The following NCOR2 variants were observed in gnomAD, a reference collection of about 807,000 sequenced individuals.
The protein encoded by NCOR2 is CTG repeat protein 26.
In NCOR2, 81 loss-of-function variants were observed where a neutral mutation model predicts 262.9. That is an observed-to-expected ratio of 0.31 (90% CI 0.26 to 0.37). The LOEUF (loss-of-function observed/expected upper bound fraction) is 0.37. NCOR2 is among the 10% of genes least tolerant of loss of function. NCOR2 has a pLI of 1.00. For synonymous variants in NCOR2, 1,659 were observed against 1,559.3 expected (o/e 1.06, Z -1.51); for missense variants, 3,385 against 3,621.4 (o/e 0.93, Z 1.68).
At chr12:124,385,385 C>G (rs894447738) in intron 17 of NCOR2, among the ~76,000 whole-genome samples, 1 of 152,190 alleles carries the variant, frequency 6.6e-6, no homozygotes, top group East Asian at 1.9e-4. Context: ...CATTCCAACG[C>G]GCTGACAGCC....
intron 14 of NCOR2, among the ~76,000 whole-genome samples, chr12:124,401,239 G>A (rs1349321592): frequency 6.6e-6 from 1 of 151,836 alleles, no homozygotes; most frequent in Non-Finnish European, 1.5e-5. Flanking sequence ...AAGAAAGGAT[G>A]GGGGTGTAAC....
intron 2 of NCOR2, among the ~76,000 whole-genome samples, chr12:124,484,333 A>G (rs2047663308): frequency 1.3e-5 from 2 of 152,184 alleles, no homozygotes; most frequent in Non-Finnish European, 2.9e-5. Context: ...AGCCTGGTGC[A>G]GAGACTGGAG....
At chr12:124,472,282 A>G (rs2046868910) in intron 4 of NCOR2, among the ~76,000 whole-genome samples, 1 of 152,260 alleles carries the variant, frequency 6.6e-6, no homozygotes, top group African/African-American at 2.4e-5. Flanking sequence ...AAATATTTAT[A>G]TCAGCTTTTT....
chr12:124,491,403 C>T (rs930054502), intron 1 of NCOR2, among the ~76,000 whole-genome samples: 4 of 151,868 alleles, frequency 2.6e-5, no homozygotes, highest in Admixed American at 2.0e-4. Context: ...AACTGAGGCA[C>T]GGGACGGTAA....
chr12:124,476,521 G>A (rs972937692), intron 3 of NCOR2, among the ~76,000 whole-genome samples: 4 of 152,146 alleles, frequency 2.6e-5, no homozygotes, highest in Admixed American at 6.5e-5. Flanking sequence ...CAAACTGCTC[G>A]TCCAACCTGG....
At chr12:124,333,323 C>CCTCTG in intron 41 of NCOR2, 44 bp from the exon 44 acceptor site, 1 of 1,482,266 alleles carries the variant, frequency 6.7e-7, no homozygotes, top group South Asian at 1.4e-5. Context: ...GGTCTCCCTA[C>CCTCTG]TGAGGGGGCG....
intron 1 of NCOR2, among the ~76,000 whole-genome samples, chr12:124,522,624 T>C (rs1452004713): frequency 6.6e-6 from 1 of 152,252 alleles, no homozygotes; most frequent in Admixed American, 6.5e-5. Context: ...GCCAAGGTCA[T>C]ATTCACAGTT....
intron 8 of NCOR2, among the ~76,000 whole-genome samples, chr12:124,431,872 G>C (rs536728258): frequency 6.6e-4 from 99 of 150,730 alleles, no homozygotes; most frequent in African/African-American, 2.2e-3. Flanking sequence ...TACACAGAGA[G>C]ACACACACAC....
At position 124,397,481 on chromosome 12, in the gene NCOR2, C is replaced by T. The variant is rs183272071; in HGVS notation, c.1876+638G>A. Among the ~76,000 whole-genome samples the T allele has an allele frequency of 2.5e-3, 385 of 152,296 alleles. 6 individuals carry two copies. The highest frequency in any genetic ancestry group is 8.7e-3 in the African/African-American group (363 of 41,548). On this transcript the variant is annotated intron_variant, in intron 16 of 46. Coordinates refer to ENST00000405201, the Ensembl canonical transcript of NCOR2. ...CCCCACGGTGCTGCACATCACAAGG[C>T]CATCTGCTCGGGATGGCTTCTGCTG... is the stretch of plus-strand genomic sequence containing the variant.
In NCOR2 at chr12:124,408,082, C is replaced by T. The variant is rs542753981; in HGVS notation, c.1483-5521G>A. 3.6e-4 allele frequency among the ~76,000 whole-genome samples: 54 copies of T among 152,040 alleles called. No individual in the cohort carries two copies. In the South Asian group the frequency reaches 5.8e-3, roughly 16 times the overall value. On this transcript the variant is annotated intron_variant, in intron 13 of 46. Transcript: ENST00000405201. The stretch of plus-strand genomic sequence containing the variant: ...AGATATACCAAGGCGTGGCGGGGCG[C>T]GGTGGCTCACGCCTGTAATCCCAGC...
Position 124,548,670 on chromosome 12 carries a change from G to T in NCOR2, c.-164-13059C>A, listed in dbSNP as rs1043925354. On this transcript the variant is annotated intron_variant, in intron 1 of 32. Transcript: ENST00000458234. This position sits in a 1 kb window ranked among gnomAD's most constrained non-coding sequence, Gnocchi z 5.1. Reference sequence around the variant, plus strand: ...ATTTTTTTCTGTGCTGTTAGGGCGGGGCGGGGGATCTCCATGGCAGGGTCC... The same window carrying T: ...ATTTTTTTCTGTGCTGTTAGGGCGGTGCGGGGGATCTCCATGGCAGGGTCC... Among the ~76,000 whole-genome samples the T allele has an allele frequency of 6.6e-6, 1 of 151,940 alleles. No homozygotes were observed. Among genetic ancestry groups the T allele is most frequent in the Admixed American group, 6.6e-5 (1 of 15,262 alleles).
chr12:124,369,292 C>A (rs555394381), intron 20 of NCOR2, among the ~76,000 whole-genome samples: 34 of 152,206 alleles, frequency 2.2e-4, no homozygotes, highest in African/African-American at 7.7e-4. Flanking sequence ...AGAGCCACCT[C>A]GAAGAAAGTG....
At chr12:124,401,235 G>A (rs142305055) in intron 14 of NCOR2, among the ~76,000 whole-genome samples, 68 of 151,396 alleles carry the variant, frequency 4.5e-4, no homozygotes, top group Admixed American at 2.8e-3. Context: ...GAAAAAGAAA[G>A]GATGGGGGTG....
intron 1 of NCOR2, among the ~76,000 whole-genome samples, chr12:124,545,754 G>A (rs541668863): frequency 3.2e-4 from 48 of 152,104 alleles, no homozygotes; most frequent in African/African-American, 7.2e-4. Flanking sequence ...GCTTCCCTGC[G>A]CCGCCCCGTG....
intron 24 of NCOR2, 58 bp downstream of exon 26, chr12:124,355,374 G>A: frequency 6.3e-7 from 1 of 1,582,964 alleles, no homozygotes. Flanking sequence ...TGGTCCCATT[G>A]CCCCCACTTT....
chr12:124,500,301 C>G (rs2048629284), intron 1 of NCOR2, among the ~76,000 whole-genome samples: 1 of 152,152 alleles, frequency 6.6e-6, no homozygotes, highest in Non-Finnish European at 1.5e-5. Flanking sequence ...TGGAGGGGCT[C>G]CCCATGCACG....
intron 20 of NCOR2, among the ~76,000 whole-genome samples, chr12:124,371,236 C>G (rs1171071932): frequency 4.0e-5 from 6 of 150,818 alleles, no homozygotes; most frequent in Admixed American, 6.6e-5. Flanking sequence ...CAGGCTGCCC[C>G]CTCCCTGAGC....
At chr12:124,476,902 T>TTA (rs1286608786) in intron 3 of NCOR2, among the ~76,000 whole-genome samples, 3 of 142,504 alleles carry the variant, frequency 2.1e-5, no homozygotes, top group Non-Finnish European at 3.0e-5. Flanking sequence ...CCATCTTTAT[T>TTA]AAAAAAAAAA....
Position 124,492,153 on chromosome 12 carries a change from C to T in NCOR2, c.105+2994G>A, listed in dbSNP as rs117144926. Among the ~76,000 whole-genome samples the T allele has an allele frequency of 5.7e-3, 868 of 152,334 alleles. 3 individuals carry two copies. The highest frequency in any genetic ancestry group is 8.4e-3 in the Non-Finnish European group (571 of 68,032). On this transcript the variant is annotated intron_variant, in intron 1 of 46. Transcript: ENST00000405201. The stretch of plus-strand genomic sequence containing the variant: ...GGCCTGCACCATTCCACCGCCAGCT[C>T]GGCATCCACGGTCCTGTGGTTCCCC...
Sources: allele counts gnomAD v4.1 joint callset (sites outside exome capture counted in the v4.1 genomes callset), GRCh38; gene constraint gnomAD v4.1.1; non-coding constraint Gnocchi (gnomAD v3.1); transcripts MANE v1.5; gene names NCBI Gene and HGNC (gene_info 2026-07-23, HGNC 2026-07-21).